Variants in BANK1 observed in about 807,000 individuals in gnomAD.
BANK1 encodes B cell scaffold protein with ankyrin repeats 1, also known as B-cell scaffold protein with ankyrin repeats.
Under a neutral mutation model 94.5 loss-of-function variants are expected in BANK1, and 95 were observed. The observed-to-expected ratio is 1.00, with a 90% CI of 0.85 to 1.19. The LOEUF (loss-of-function observed/expected upper bound fraction) is 1.19, where lower values mean the gene tolerates loss of function less well. Ranked by LOEUF, BANK1 falls within the 50% of genes most tolerant of loss-of-function variation. The probability of loss-of-function intolerance (pLI) is 0.00; values close to 1 mark genes in which losing one functional copy is unlikely to be tolerated. For synonymous variants in BANK1, 334 were observed against 308.4 expected (o/e 1.08, Z -0.87); for missense variants, 987 against 932.2 (o/e 1.06, Z -0.77).
rs78556849 is a variant in BANK1, at chr4:101,856,654, CA to C, written c.624+1466del. On this transcript the variant is annotated intron_variant, in intron 3 of 16. Transcript: ENST00000322953. The stretch of plus-strand genomic sequence containing the variant: ...TCTCTTACTAAATTTTCAAAGAAAT[CA>C]GTCCCAAAATCAAACCTCACTGCTA... Among the ~76,000 whole-genome samples the C allele has an allele frequency of 4.8e-3, 732 of 152,258 alleles. 14 individuals carry two copies. The East Asian group carries it at 0.058, about 12-fold the overall frequency.
Position 102,060,324 on chromosome 4 carries a change from G to A in BANK1, c.2083G>A (p.Asp695Asn). 6.2e-7 allele frequency: 1 copy of A among 1,610,370 alleles called. No individual in the cohort carries two copies. The highest frequency in any genetic ancestry group is 8.5e-7 in the Non-Finnish European group (1 of 1,178,750). ...EKVKNGKMSM[D>N]EALEKFKHWQ... ...AGTAAAGAATGGGAAAATGTCTATGGATGAAGCTCTGGAGAAATTTAAACA... is the reference window on the plus strand; with the variant it reads ...AGTAAAGAATGGGAAAATGTCTATGAATGAAGCTCTGGAGAAATTTAAACA... The change falls in exon 12 of 17, where the codon GAT becomes AAT. Residue 695 changes from aspartate (D) to asparagine (N), a missense_variant. Asp to Asn is a conservative substitution (Grantham distance 23). Transcript: ENST00000322953.
intron 5 of BANK1, among the ~76,000 whole-genome samples, chr4:101,887,065 G>T (rs562257508): frequency 1.2e-3 from 186 of 152,300 alleles, no homozygotes; most frequent in Non-Finnish European, 1.8e-3. Flanking sequence ...AAATTTATGA[G>T]CATGTCCTTA....
At chr4:101,798,803 G>A (rs1725249789) in intron 1 of BANK1, among the ~76,000 whole-genome samples, 2 of 152,200 alleles carry the variant, frequency 1.3e-5, no homozygotes, top group South Asian at 4.2e-4. Context: ...CTTTTTGATG[G>A]GGTTGTTTGA....
chr4:102,054,760 G>A (rs1253689135), intron 11 of BANK1, among the ~76,000 whole-genome samples: 1 of 152,034 alleles, frequency 6.6e-6, no homozygotes, highest in Admixed American at 6.5e-5. Context: ...GTGAAAATGG[G>A]GAGGCTTAAA....
intron 9 of BANK1, among the ~76,000 whole-genome samples, chr4:102,027,841 C>T (rs999794825): frequency 6.6e-6 from 1 of 152,112 alleles, no homozygotes; most frequent in Non-Finnish European, 1.5e-5. Flanking sequence ...AAGTAATTAT[C>T]GGATCCCTCC....
At chr4:102,033,719 T>C (rs1187047794) in intron 10 of BANK1, among the ~76,000 whole-genome samples, 4 of 152,384 alleles carry the variant, frequency 2.6e-5, no homozygotes, top group East Asian at 3.9e-4. Context: ...ACTCTCATTA[T>C]ATTTGTATTA....
chr4:101,809,201 C>T (rs1725660352), intron 1 of BANK1, among the ~76,000 whole-genome samples: 4 of 152,080 alleles, frequency 2.6e-5, no homozygotes, highest in Admixed American at 2.6e-4. Context: ...TTCCAGCAAA[C>T]TCGATGGAGC....
At chr4:101,821,733 A>T (rs1306623176) in intron 1 of BANK1, among the ~76,000 whole-genome samples, 1 of 152,108 alleles carries the variant, frequency 6.6e-6, no homozygotes, top group Non-Finnish European at 1.5e-5. Flanking sequence ...AAAATTCTTT[A>T]CTACACTAGT....
Position 101,855,061 on chromosome 4 carries a change from A to T in BANK1, c.496A>T (p.Ile166Phe). Residue 166 changes from isoleucine to phenylalanine, a missense_variant, in exon 3 of 17, where the codon ATT (isoleucine) becomes TTT (phenylalanine). Ile to Phe is a conservative substitution (Grantham distance 21, BLOSUM62 0). Coordinates refer to ENST00000322953, the MANE Select transcript of BANK1 (RefSeq NM_017935.5). ...KDSEDYFEVN[I>F]PTDLRAKHSG... Reference sequence around the variant, plus strand: ...TTCTGAAGACTACTTTGAGGTCAACATTCCAACAGACCTACGAGCAAAACA... The same window carrying T: ...TTCTGAAGACTACTTTGAGGTCAACTTTCCAACAGACCTACGAGCAAAACA... 1 of 1,612,818 alleles carries T rather than the reference A, an allele frequency of 6.2e-7. No homozygotes were observed. The highest frequency in any genetic ancestry group is 8.5e-7 in the Non-Finnish European group (1 of 1,178,964).
At chr4:102,016,501 A>G (rs1279466146) in intron 7 of BANK1, among the ~76,000 whole-genome samples, 2 of 152,174 alleles carry the variant, frequency 1.3e-5, no homozygotes, top group African/African-American at 4.8e-5. Flanking sequence ...TGGCTCCTGA[A>G]AAGAAACTCT....
chr4:101,834,704 A>T lies in BANK1; in HGVS notation c.469+4498A>T, dbSNP rs74477084. 6.1e-3 allele frequency among the ~76,000 whole-genome samples: 924 copies of T among 152,262 alleles called. 15 individuals carry two copies. In the East Asian group the frequency reaches 0.062, roughly 10 times the overall value. ...ATTCAGATTTTACTGTCCCTTTTCT[A>T]TTTTTCCTCATTCCATAAAGAAATT... On this transcript the variant is annotated intron_variant, in intron 2 of 16. Coordinates refer to ENST00000322953, the MANE Select transcript of BANK1 (RefSeq NM_017935.5).
At chr4:102,013,696 CTTTT>C (rs977948243) in intron 7 of BANK1, among the ~76,000 whole-genome samples, 2 of 150,322 alleles carry the variant, frequency 1.3e-5, no homozygotes, top group African/African-American at 4.9e-5. Context: ...AGGAGGAGGT[CTTTT>C]TTTTTAATCT....
chr4:101,961,476 CA>C (rs1366904448), intron 7 of BANK1, among the ~76,000 whole-genome samples: 4 of 152,148 alleles, frequency 2.6e-5, no homozygotes, highest in Non-Finnish European at 5.9e-5. Context: ...TGAGTGAAAT[CA>C]TATTTGTTTT....
intron 1 of BANK1, among the ~76,000 whole-genome samples, chr4:101,818,103 A>G (rs1335102270): frequency 2.0e-5 from 3 of 152,144 alleles, no homozygotes; most frequent in African/African-American, 7.2e-5. Flanking sequence ...TCAATTTTAT[A>G]TTTTACATAT....
intron 12 of BANK1, 23 bp from the exon 13 acceptor site, chr4:102,063,052 G>A (rs1236021303): frequency 6.2e-7 from 1 of 1,603,382 alleles, no homozygotes; most frequent in Non-Finnish European, 8.5e-7. Context: ...TCATAACTAT[G>A]TCCTGGTTGT....
At chr4:101,861,634 A>T (rs1024098617) in intron 3 of BANK1, among the ~76,000 whole-genome samples, 1 of 152,054 alleles carries the variant, frequency 6.6e-6, no homozygotes, top group Non-Finnish European at 1.5e-5. Flanking sequence ...CTAAAAGAGA[A>T]AAAGAAATAG....
chr4:102,063,116 G>A lies in BANK1; in HGVS notation c.2190G>A (p.Arg730=). The A allele has an allele frequency of 1.2e-6, 2 of 1,613,422 alleles. No homozygotes were observed. Among genetic ancestry groups the A allele is most frequent in the Non-Finnish European group, 8.5e-7 (1 of 1,179,516 alleles). Residue 730 remains arginine, a synonymous_variant, in exon 13 of 17, where the codon AGG becomes AGA. Coordinates refer to ENST00000322953, the MANE Select transcript of BANK1 (RefSeq NM_017935.5). ...TACGAGACTGCATTATTGGGAAAAG[G>A]CCAGAAGAAGAAAATGTCTATAGTA... ...RQLRDCIIGK[R]PEEENVYNKL... is the part of the protein sequence containing the mutation.
intron 13 of BANK1, 129 bp downstream of exon 13, chr4:102,063,267 G>A (rs187719236): frequency 1.4e-6 from 1 of 731,620 alleles, no homozygotes; most frequent in Non-Finnish European, 2.2e-6. Flanking sequence ...ACCTGGAGAG[G>A]GTCTTAATCT....
chr4:101,992,411 A>AT (rs1217566696), intron 7 of BANK1, among the ~76,000 whole-genome samples: 2 of 152,142 alleles, frequency 1.3e-5, no homozygotes, highest in East Asian at 3.8e-4. Flanking sequence ...GCACAATAAT[A>AT]TTTTTTTGTT....
Sources: gnomAD v4.1 joint callset for allele counts (sites outside exome capture counted in the v4.1 genomes callset) on GRCh38, gnomAD v4.1.1 for gene constraint, MANE v1.5 for transcripts, NCBI Gene and HGNC (gene_info 2026-07-23, HGNC 2026-07-21) for gene names.